Variants in TMEFF2 observed in about 807,000 individuals in gnomAD.
The protein encoded by TMEFF2 is transmembrane protein with EGF like and two follistatin like domains 2, also known as tomoregulin-2.
TMEFF2 carries 28 observed loss-of-function variants against 53.8 expected under a neutral mutation model. The ratio of observed to expected loss-of-function variants is 0.52; its 90% CI spans 0.39 to 0.71. The LOEUF (loss-of-function observed/expected upper bound fraction) is 0.71. Among genes scored for constraint, TMEFF2 ranks in the 30% least tolerant of loss-of-function variants. The probability of loss-of-function intolerance (pLI) is 0.00; values close to 1 mark genes in which losing one functional copy is unlikely to be tolerated. For missense variants in TMEFF2, 353 were observed against 455.2 expected (o/e 0.78, Z 2.04); for synonymous variants, 162 against 166.3 (o/e 0.97, Z 0.20).
intron 9 of TMEFF2, among the ~76,000 whole-genome samples, chr2:191,952,666 A>G (rs1056477312): frequency 6.6e-6 from 1 of 152,206 alleles, no homozygotes; most frequent in Admixed American, 6.5e-5. Context: ...TTTATGAACC[A>G]TATTTTGTCT....
intron 5 of TMEFF2, among the ~76,000 whole-genome samples, chr2:192,056,420 G>A (rs1687911625): frequency 6.6e-6 from 1 of 151,772 alleles, no homozygotes; most frequent in Non-Finnish European, 1.5e-5. Context: ...GAGGAGGAGG[G>A]GAGGAGCAGA....
At chr2:192,137,755 A>T (rs1335902776) in intron 4 of TMEFF2, among the ~76,000 whole-genome samples, 1 of 148,432 alleles carries the variant, frequency 6.7e-6, no homozygotes, top group East Asian at 2.0e-4. Flanking sequence ...ATATCTACTT[A>T]TATATATAAT....
intron 5 of TMEFF2, among the ~76,000 whole-genome samples, chr2:192,051,741 C>T (rs1687778930): frequency 6.6e-6 from 1 of 152,168 alleles, no homozygotes; most frequent in South Asian, 2.1e-4. Context: ...TTGCCAATAA[C>T]ACACAATCTT....
At chr2:192,036,528 A>G (rs1451906196) in intron 5 of TMEFF2, among the ~76,000 whole-genome samples, 2 of 152,248 alleles carry the variant, frequency 1.3e-5, no homozygotes, top group African/African-American at 4.8e-5. Context: ...ATTGAATCAT[A>G]TAACTCCTGA....
chr2:192,091,142 G>C (rs1352683544), intron 4 of TMEFF2, among the ~76,000 whole-genome samples: 2 of 152,120 alleles, frequency 1.3e-5, no homozygotes, highest in South Asian at 2.1e-4. Flanking sequence ...TCTGCTGCCA[G>C]GCTTAGCGAT....
intron 4 of TMEFF2, among the ~76,000 whole-genome samples, chr2:192,137,887 C>G (rs72918177): frequency 6.6e-6 from 1 of 151,266 alleles, no homozygotes; most frequent in South Asian, 2.1e-4. Flanking sequence ...ACTGCAACCT[C>G]CACCCCCACA....
At position 191,955,524 on chromosome 2, in the gene TMEFF2, A is replaced by AT. The variant is rs71405028; in HGVS notation, c.869+730dup. On this transcript the variant is annotated intron_variant, in intron 8 of 9. Transcript: ENST00000272771. ...TGCCACCGTGCCTGGCTAATTCTTAATTTTTTTTTTTTTTTTTTTTTTTTA... is the reference window on the plus strand; with the variant it reads ...TGCCACCGTGCCTGGCTAATTCTTAATTTTTTTTTTTTTTTTTTTTTTTTTA... Among the ~76,000 whole-genome samples the AT allele has an allele frequency of 9.4e-3, 567 of 60,284 alleles. 45 individuals are homozygous for AT. Among genetic ancestry groups the AT allele is most frequent in the African/African-American group, 0.03 (462 of 15,184 alleles). 39.5% of individuals were successfully genotyped at this position (60,284 alleles called of 152,430 possible). A position where few individuals can be genotyped will look rare whatever the true frequency, so the allele number is the denominator to read the frequency against.
intron 4 of TMEFF2, among the ~76,000 whole-genome samples, chr2:192,141,288 A>G (rs937161387): frequency 1.3e-5 from 2 of 151,916 alleles, no homozygotes; most frequent in Non-Finnish European, 2.9e-5. Context: ...TCCTGTCTCT[A>G]CTAAAAATAC....
At chr2:192,096,499 C>CA (rs1187381044) in intron 4 of TMEFF2, among the ~76,000 whole-genome samples, 3 of 151,966 alleles carry the variant, frequency 2.0e-5, no homozygotes, top group Admixed American at 2.0e-4. Flanking sequence ...TTTTGTTTTA[C>CA]AAATGAACCC....
At chr2:192,061,095 C>A (rs983371704) in intron 4 of TMEFF2, among the ~76,000 whole-genome samples, 2 of 152,282 alleles carry the variant, frequency 1.3e-5, no homozygotes, top group East Asian at 3.9e-4. Flanking sequence ...CCACCCTGTT[C>A]TTCTTGCTGG....
rs144482162 is a variant in TMEFF2, at chr2:192,136,690, GCTCT to G, written c.439+42974_439+42977del. ...TCCTCTCTTTCTCCTCCATCTCCCC[GCTCT>G]CTCTCTCCTTTCCCTCTCTCTCCAC... On this transcript the variant is annotated intron_variant, in intron 4 of 9. Transcript: ENST00000272771. 6.9e-3 allele frequency among the ~76,000 whole-genome samples: 1,045 copies of G among 150,514 alleles called. 19 individuals carry two copies. Among genetic ancestry groups the G allele is most frequent in the East Asian group, 0.066 (338 of 5,122 alleles).
chr2:192,050,808 T>C (rs77032484), intron 5 of TMEFF2, among the ~76,000 whole-genome samples: 1 of 152,196 alleles, frequency 6.6e-6, no homozygotes, highest in East Asian at 1.9e-4. Context: ...TCAAGATAGG[T>C]GAAGAAATAC....
chr2:191,998,422 G>A (rs1574278058), intron 6 of TMEFF2, 101 bp from the exon 7 acceptor site: 1 of 837,236 alleles, frequency 1.2e-6, no homozygotes, highest in East Asian at 3.0e-5. Context: ...TGCAATTAAG[G>A]AATTTTTACA....
At chr2:191,984,960 T>A (rs1685942292) in intron 7 of TMEFF2, among the ~76,000 whole-genome samples, 1 of 152,078 alleles carries the variant, frequency 6.6e-6, no homozygotes, top group Non-Finnish European at 1.5e-5. Context: ...TACACAAAAA[T>A]GGGAAAATAA....
chr2:192,162,185 C>G (rs1186281721), intron 4 of TMEFF2, among the ~76,000 whole-genome samples: 3 of 152,156 alleles, frequency 2.0e-5, no homozygotes, highest in Non-Finnish European at 4.4e-5. Flanking sequence ...ACCAGAAAAA[C>G]AAGTTGAACT....
At chr2:192,151,198 A>G (rs926193045) in intron 4 of TMEFF2, among the ~76,000 whole-genome samples, 6 of 151,852 alleles carry the variant, frequency 4.0e-5, no homozygotes, top group Non-Finnish European at 8.8e-5. Flanking sequence ...CTCCCCAGCC[A>G]TGAGGAACTG....
Position 192,194,817 on chromosome 2 carries a change from G to C in TMEFF2, c.-293C>G. ...GGAGCTCTGGGAAGCCGGAGGACAG[G>C]AGGAGACGGGAGTCCAGGGGCAGAC... On this transcript the variant is annotated 5_prime_UTR_variant, in exon 1 of 10. Transcript: ENST00000272771. This position sits in a 1 kb window ranked among gnomAD's most constrained non-coding sequence, Gnocchi z 4.2. 1 of 436,098 alleles carries C rather than the reference G, an allele frequency of 2.3e-6. No homozygotes were observed. Among genetic ancestry groups the C allele is most frequent in the East Asian group, 4.6e-5 (1 of 21,722 alleles). 27.0% of individuals were successfully genotyped at this position (436,098 alleles called of 1,614,324 possible). A position where few individuals can be genotyped will look rare whatever the true frequency, so the allele number is the denominator to read the frequency against.
At chr2:191,996,745 T>C (rs1199845170) in intron 7 of TMEFF2, among the ~76,000 whole-genome samples, 1 of 151,904 alleles carries the variant, frequency 6.6e-6, no homozygotes, top group African/African-American at 2.4e-5. Flanking sequence ...TAAAAAATTG[T>C]TGATTTTTTT....
intron 1 of TMEFF2, among the ~76,000 whole-genome samples, chr2:192,192,924 G>A (rs907087722): frequency 6.6e-6 from 1 of 152,288 alleles, no homozygotes. Context: ...AACATGTTGA[G>A]TTTTATTAAA....
Sources: gnomAD v4.1 joint callset for allele counts (sites outside exome capture counted in the v4.1 genomes callset) on GRCh38, gnomAD v4.1.1 for gene constraint, Gnocchi (gnomAD v3.1) non-coding constraint, MANE v1.5 for transcripts, NCBI Gene and HGNC (gene_info 2026-07-23, HGNC 2026-07-21) for gene names.